Variants in LRP1B observed in about 807,000 individuals in gnomAD.
The protein encoded by LRP1B is LDL receptor related protein 1B, also known as low-density lipoprotein receptor-related protein 1B.
LRP1B carries 217 observed loss-of-function variants against 556.6 expected under a neutral mutation model. That is an observed-to-expected ratio of 0.39 (90% CI 0.35 to 0.44). The LOEUF is 0.44. LRP1B is among the 20% of genes least tolerant of loss of function. LRP1B has a pLI of 1.00. For synonymous variants in LRP1B, 2,047 were observed against 1,865.8 expected, an observed-to-expected ratio of 1.10 and a Z score of -2.50; for missense variants, 5,053 against 5,620.8, an observed-to-expected ratio of 0.90 and a Z score of 3.23.
chr2:140,446,086 T>G (rs1281003171), intron 63 of LRP1B, among the ~76,000 whole-genome samples: 1 of 152,150 alleles, frequency 6.6e-6, no homozygotes, highest in Non-Finnish European at 1.5e-5. Flanking sequence ...GTTATTTGCT[T>G]CCAATCTATA....
intron 86 of LRP1B, among the ~76,000 whole-genome samples, chr2:140,261,941 A>G (rs773119235): frequency 1.5e-4 from 23 of 152,024 alleles, no homozygotes; most frequent in South Asian, 8.3e-4. Flanking sequence ...ACTGGATTTG[A>G]AAAGTTTGTT....
Position 141,796,009 on chromosome 2 carries a change from A to G in LRP1B, c.205+14270T>C, listed in dbSNP as rs534734405. Among the ~76,000 whole-genome samples the G allele has an allele frequency of 1.4e-4, 21 of 150,608 alleles. No homozygotes were observed. The South Asian group carries it at 4.4e-3, about 32-fold the overall frequency. On this transcript the variant is annotated intron_variant, in intron 2 of 90. Transcript: ENST00000389484. ...AGTTTATTCATGGGTTAAATCTTAA[A>G]CACAAGCCAATCTCAGCTACTTAAT...
At chr2:141,717,144 G>C (rs1692633335) in intron 2 of LRP1B, among the ~76,000 whole-genome samples, 1 of 151,998 alleles carries the variant, frequency 6.6e-6, no homozygotes, top group South Asian at 2.1e-4. Flanking sequence ...TTAATCTCTT[G>C]CCCAGCACTA....
At chr2:141,757,449 TTGAG>T (rs1694363762) in intron 2 of LRP1B, among the ~76,000 whole-genome samples, 1 of 152,164 alleles carries the variant, frequency 6.6e-6, no homozygotes, top group African/African-American at 2.4e-5. Context: ...ACACTAATGT[TTGAG>T]TAATACAAAA....
In LRP1B at chr2:141,832,327, TCACACACACACACACACA is replaced by T. The variant is rs869062999; in HGVS notation, c.83-21944_83-21927del. Among the ~76,000 whole-genome samples the T allele has an allele frequency of 2.8e-3, 408 of 143,964 alleles. 5 individuals are homozygous for T. The highest frequency in any genetic ancestry group is 0.01 in the African/African-American group (394 of 38,228). 94.4% of individuals were successfully genotyped at this position (143,964 alleles called of 152,430 possible). On this transcript the variant is annotated intron_variant, in intron 1 of 90. Transcript: ENST00000389484. ...AATAATTATCCTATCTCTTTCTCTC[TCACACACACACACACACA>T]CACACACACACACACACACAATTTG...
chr2:140,977,169 G>T (rs1353514467), intron 18 of LRP1B, among the ~76,000 whole-genome samples: 1 of 152,126 alleles, frequency 6.6e-6, no homozygotes, highest in Non-Finnish European at 1.5e-5. Context: ...GGACCCAGTG[G>T]GAGGTAATTG....
At chr2:140,720,433 G>C (rs1188579839) in intron 35 of LRP1B, among the ~76,000 whole-genome samples, 2 of 151,878 alleles carry the variant, frequency 1.3e-5, no homozygotes, top group Non-Finnish European at 2.9e-5. Flanking sequence ...TTACCATATA[G>C]GGAAATCGGC....
intron 3 of LRP1B, among the ~76,000 whole-genome samples, chr2:141,279,553 G>T (rs1443863294): frequency 1.3e-5 from 2 of 152,046 alleles, no homozygotes; most frequent in Non-Finnish European, 2.9e-5. Context: ...GCAAGAAAAA[G>T]TACTGGATTT....
At chr2:141,930,687 A>C (rs1399243922) in intron 1 of LRP1B, among the ~76,000 whole-genome samples, 1 of 152,036 alleles carries the variant, frequency 6.6e-6, no homozygotes, top group Non-Finnish European at 1.5e-5. Flanking sequence ...CAATTTGGCT[A>C]CACTTTAGGA....
At chr2:142,101,235 T>C (rs1005641113) in intron 1 of LRP1B, among the ~76,000 whole-genome samples, 8 of 151,988 alleles carry the variant, frequency 5.3e-5, no homozygotes, top group Admixed American at 3.3e-4. Flanking sequence ...CATTGTAGGT[T>C]GGCAATTAAA....
chr2:141,202,407 T>C lies in LRP1B; in HGVS notation c.851-13824A>G, dbSNP rs113882110. Among the ~76,000 whole-genome samples the C allele has an allele frequency of 7.4e-3, 1,124 of 152,314 alleles. 22 individuals carry two copies. Among genetic ancestry groups the C allele is most frequent in the African/African-American group, 0.024 (990 of 41,560 alleles). Reference sequence around the variant, plus strand: ...TGCATGTGTCTTTATGGTAGAATGATTTATATTCTTCTGGGTATATACCCA... The same window carrying C: ...TGCATGTGTCTTTATGGTAGAATGACTTATATTCTTCTGGGTATATACCCA... On this transcript the variant is annotated intron_variant, in intron 6 of 90. Coordinates refer to ENST00000389484, the MANE Select transcript of LRP1B (RefSeq NM_018557.3).
chr2:142,069,798 T>A (rs1705245593), intron 1 of LRP1B, among the ~76,000 whole-genome samples: 1 of 151,440 alleles, frequency 6.6e-6, no homozygotes, highest in African/African-American at 2.4e-5. Context: ...TACTTGCTTA[T>A]AGTTAAATTT....
At chr2:140,622,916 T>C (rs1406362437) in intron 41 of LRP1B, among the ~76,000 whole-genome samples, 1 of 151,530 alleles carries the variant, frequency 6.6e-6, no homozygotes, top group Non-Finnish European at 1.5e-5. Flanking sequence ...ACTAACTATA[T>C]CTTGAAAGTA....
chr2:141,768,889 G>GTT (rs397954730), intron 2 of LRP1B, among the ~76,000 whole-genome samples: 2 of 151,826 alleles, frequency 1.3e-5, no homozygotes, highest in Non-Finnish European at 2.9e-5. Context: ...GTGTGTGTGT[G>GTT]CATGTGTGGT....
intron 3 of LRP1B, among the ~76,000 whole-genome samples, chr2:141,424,079 T>C (rs1474018911): frequency 3.3e-5 from 5 of 151,732 alleles, no homozygotes; most frequent in Admixed American, 6.6e-5. Flanking sequence ...TCAAGTTTTA[T>C]AGTTTTATGG....
intron 25 of LRP1B, among the ~76,000 whole-genome samples, chr2:140,872,419 CT>C (rs915347412): frequency 1.2e-4 from 13 of 110,134 alleles, no homozygotes; most frequent in Middle Eastern, 7.9e-3. Context: ...AGAGGCTACT[CT>C]TGGTTTTGTA....
At chr2:141,148,389 G>T (rs1701837588) in intron 7 of LRP1B, among the ~76,000 whole-genome samples, 2 of 152,168 alleles carry the variant, frequency 1.3e-5, no homozygotes, top group Non-Finnish European at 2.9e-5. Context: ...AATCTCCAAA[G>T]AATCCTGGGG....
intron 2 of LRP1B, among the ~76,000 whole-genome samples, chr2:141,787,437 T>A (rs1185857638): frequency 2.6e-5 from 4 of 151,848 alleles, no homozygotes; most frequent in African/African-American, 9.7e-5. Context: ...ATATATGCAA[T>A]CACATAGATT....
chr2:140,760,166 A>G (rs967862760), intron 35 of LRP1B, among the ~76,000 whole-genome samples: 2 of 152,210 alleles, frequency 1.3e-5, no homozygotes, highest in African/African-American at 4.8e-5. Context: ...AGCCTGGGGA[A>G]CACATCAGAT....
Sources: allele counts gnomAD v4.1 joint callset (sites outside exome capture counted in the v4.1 genomes callset), GRCh38; gene constraint gnomAD v4.1.1; transcripts MANE v1.5; gene names NCBI Gene and HGNC (gene_info 2026-07-23, HGNC 2026-07-21).